NGEF: variants seen among roughly 807,000 people sequenced by gnomAD.
The protein encoded by NGEF is ephexin-1.
In NGEF, 31 loss-of-function variants were observed where a neutral mutation model predicts 80.9. The ratio of observed to expected loss-of-function variants is 0.38; its 90% CI spans 0.29 to 0.52. The LOEUF is 0.52. Among genes scored for constraint, NGEF ranks in the 20% least tolerant of loss-of-function variants. NGEF has a pLI of 0.84. For missense variants in NGEF, 709 were observed against 926.2 expected (o/e 0.77, Z 3.04); for synonymous variants, 371 against 370.2 (o/e 1.00, Z -0.03).
At chr2:232,920,196 C>A (rs563375784) in intron 5 of NGEF, 88 bp downstream of exon 5, 20 of 1,317,566 alleles carry the variant, frequency 1.5e-5, no homozygotes, top group Admixed American at 6.5e-5. Flanking sequence ...AGCCAGGGAA[C>A]CTCACCCCCC....
At chr2:232,913,430 CA>C (rs1353740686) in intron 5 of NGEF, among the ~76,000 whole-genome samples, 1 of 152,132 alleles carries the variant, frequency 6.6e-6, no homozygotes, top group African/African-American at 2.4e-5. Flanking sequence ...CACTTGAAAA[CA>C]ATGTGTAATC....
At chr2:232,947,981 G>A (rs1693595353) in intron 3 of NGEF, among the ~76,000 whole-genome samples, 2 of 152,124 alleles carry the variant, frequency 1.3e-5, no homozygotes, top group African/African-American at 4.8e-5. Context: ...GTGATATTTT[G>A]TTACCTATGT....
chr2:232,983,579 C>T (rs1694480624), intron 1 of NGEF, among the ~76,000 whole-genome samples: 1 of 152,110 alleles, frequency 6.6e-6, no homozygotes, highest in African/African-American at 2.4e-5. Flanking sequence ...AAGGATGGCC[C>T]CTGGCTTTCC....
chr2:232,926,674 T>A (rs1693074932), intron 4 of NGEF, among the ~76,000 whole-genome samples: 1 of 152,094 alleles, frequency 6.6e-6, no homozygotes, highest in Non-Finnish European at 1.5e-5. Context: ...GGCTTCCAGG[T>A]CTTCCTTGAT....
chr2:232,946,069 A>ATC (rs1693551314), intron 3 of NGEF, among the ~76,000 whole-genome samples: 1 of 150,578 alleles, frequency 6.6e-6, no homozygotes, highest in Non-Finnish European at 1.5e-5. Context: ...TCTGATATAT[A>ATC]TATATATATG....
In NGEF at chr2:232,927,107, C is replaced by T. The variant is rs549019621; in HGVS notation, c.463G>A (p.Glu155Lys). Residue 155 changes from glutamate to lysine, a missense_variant, in exon 4 of 15, where the codon GAG becomes AAG. Physicochemically the swap from Glu to Lys is moderately conservative, Grantham distance 56 (BLOSUM62 1). Around this residue, in one of 2 missense-constraint regions of NGEF, gnomAD observed 283 missense variants for 303.4 expected, o/e 0.93. Coordinates refer to ENST00000264051, the MANE Select transcript of NGEF (RefSeq NM_019850.3). Reference protein sequence around the residue: ...ALADSPTTLTEALRMIHPIPA... With the variant: ...ALADSPTTLTKALRMIHPIPA... ...ATGGGGTGGATCATCCGCAGGGCCTCGGTGAGCGTGGTGGGGCTGTCGGCC... is the reference window on the plus strand; with the variant it reads ...ATGGGGTGGATCATCCGCAGGGCCTTGGTGAGCGTGGTGGGGCTGTCGGCC... The T allele has an allele frequency of 1.9e-6, 3 of 1,613,552 alleles. No homozygotes were observed.
chr2:233,011,673 T>C (rs529747862), intron 1 of NGEF, among the ~76,000 whole-genome samples: 1 of 151,638 alleles, frequency 6.6e-6, no homozygotes, highest in African/African-American at 2.4e-5. Context: ...GCCCACCGCA[T>C]GACTTCTGGG....
chr2:232,925,737 G>A (rs2004203), intron 4 of NGEF, among the ~76,000 whole-genome samples: 66,002 of 151,982 alleles, frequency 0.43, 14,436 homozygotes, highest in Admixed American at 0.46. Context: ...CATATGCTAA[G>A]TCAGATGTGG....
chr2:232,894,517 C>T lies in NGEF; in HGVS notation c.989+239G>A, dbSNP rs1691992779. ...GGCCAGCAGGATGCTCAGCGCAGAG[C>T]TTTGTGTGGGGCACAGGTGCTCATG... On this transcript the variant is annotated intron_variant, in intron 6 of 14. Transcript: ENST00000264051. 1.3e-5 allele frequency: 5 copies of T among 377,244 alleles called. No individual in the cohort carries two copies. In the Admixed American group the frequency reaches 1.8e-4, roughly 14 times the overall value. The allele number at this position is 377,244 out of a possible 1,614,324, so 23.4% of individuals were successfully genotyped here.
In NGEF at chr2:232,892,024, G is replaced by A. The variant is rs1691900911; in HGVS notation, c.1143-537C>T. ...CAGGGACGGCAGGGACAGGTGCTCA[G>A]CCTGTCACTCAGCCTCTGTGCTCAC... is the stretch of plus-strand genomic sequence containing the variant. On this transcript the variant is annotated intron_variant, in intron 7 of 14. Transcript: ENST00000264051. This position sits in a 1 kb window ranked among gnomAD's most constrained non-coding sequence, Gnocchi z 4.0. 6.6e-6 allele frequency among the ~76,000 whole-genome samples: 1 copy of A among 151,968 alleles called. No individual in the cohort carries two copies. Among genetic ancestry groups the A allele is most frequent in the East Asian group, 1.9e-4 (1 of 5,204 alleles).
intron 1 of NGEF, among the ~76,000 whole-genome samples, chr2:232,995,098 T>C (rs201595644): frequency 2.4e-4 from 1 of 4,128 alleles, no homozygotes; most frequent in Non-Finnish European, 4.2e-4. Flanking sequence ...TATGTATATG[T>C]GTACAGTATG....
At chr2:232,885,396 G>T (rs760574384) in intron 9 of NGEF, 27 bp from the exon 10 acceptor site, 2 of 1,598,094 alleles carry the variant, frequency 1.3e-6, no homozygotes, top group South Asian at 1.1e-5. Flanking sequence ...GGCACATCAG[G>T]CCACCAAAGC....
chr2:232,880,744 C>G (rs1398955439), intron 14 of NGEF, among the ~76,000 whole-genome samples: 2 of 70,336 alleles, frequency 2.8e-5, no homozygotes, highest in Admixed American at 2.9e-4. Flanking sequence ...GCCTGGCAGT[C>G]ACAGGCTTTA....
intron 3 of NGEF, among the ~76,000 whole-genome samples, chr2:232,938,741 G>GAA (rs60179308): frequency 0.068 from 8,238 of 121,072 alleles, 918 homozygotes; most frequent in African/African-American, 0.22. Flanking sequence ...CCTGTCTTAA[G>GAA]AAAAAAAAAA....
intron 3 of NGEF, among the ~76,000 whole-genome samples, chr2:232,944,981 A>ACCTCAGG (rs1397374980): frequency 6.6e-6 from 1 of 151,806 alleles, no homozygotes; most frequent in Non-Finnish European, 1.5e-5. Context: ...AGAACTCCTG[A>ACCTCAGG]CCTCAGGTGA....
chr2:232,923,375 G>A (rs933482974), intron 4 of NGEF, among the ~76,000 whole-genome samples: 1 of 152,192 alleles, frequency 6.6e-6, no homozygotes, highest in African/African-American at 2.4e-5. Flanking sequence ...GGTTGGCAGA[G>A]GAGGGCTTCT....
intron 1 of NGEF, among the ~76,000 whole-genome samples, chr2:232,988,036 CGTGT>C (rs57143286): frequency 0.024 from 3,397 of 140,260 alleles, 85 homozygotes; most frequent in African/African-American, 0.038. Flanking sequence ...GGGATGGTCT[CGTGT>C]GTGTGTGTGT....
At chr2:232,948,006 C>T (rs1302353679) in intron 3 of NGEF, among the ~76,000 whole-genome samples, 2 of 152,148 alleles carry the variant, frequency 1.3e-5, no homozygotes, top group African/African-American at 4.8e-5. Context: ...TGTGTAATTA[C>T]AGCCAGGGCA....
chr2:232,925,600 G>A (rs1265465272), intron 4 of NGEF, among the ~76,000 whole-genome samples: 1 of 152,088 alleles, frequency 6.6e-6, no homozygotes, highest in African/African-American at 2.4e-5. Flanking sequence ...AAGAAAGACA[G>A]CTCCACACAC....
Sources: allele counts gnomAD v4.1 joint callset (sites outside exome capture counted in the v4.1 genomes callset), GRCh38; gene constraint gnomAD v4.1.1; regional missense constraint gnomAD v4.1.1; non-coding constraint Gnocchi (gnomAD v3.1); transcripts MANE v1.5; gene names NCBI Gene and HGNC (gene_info 2026-07-23, HGNC 2026-07-21).